RNF19A: variants seen among roughly 807,000 people sequenced by gnomAD.
RNF19A encodes ring finger protein 19A, RBR E3 ubiquitin protein ligase.
Under a neutral mutation model 75.7 loss-of-function variants are expected in RNF19A, and 32 were observed. The observed-to-expected ratio is 0.42, with a 90% confidence interval of 0.32 to 0.57. The LOEUF (loss-of-function observed/expected upper bound fraction) is 0.57. Ranked by LOEUF, RNF19A falls within the 20% of genes least tolerant of loss-of-function variation. The probability of loss-of-function intolerance (pLI) is 0.10; values close to 1 mark genes in which losing one functional copy is unlikely to be tolerated. For missense variants in RNF19A, 782 were observed against 1,036.3 expected (o/e 0.75, Z 3.37); for synonymous variants, 335 against 345.2 (o/e 0.97, Z 0.33).
chr8:100,263,876 C>G (rs1376329534), intron 7 of RNF19A, among the ~76,000 whole-genome samples, 158 bp downstream of exon 7: 1 of 152,190 alleles, frequency 6.6e-6, no homozygotes, highest in East Asian at 1.9e-4. Flanking sequence ...TCCATACACT[C>G]CTCCTTGGCA....
Position 100,288,091 on chromosome 8 carries a change from G to A in RNF19A, c.84C>T (p.Ser28=). ...GCCGATGTAAACTCATGTCTAAAAT[G>A]CTTGTTAGAATTGAGACAGGGTCAG... ...VNTDPVSILT[S]ILDMSLHRQM... The change falls in exon 2 of 10, where the codon AGC becomes AGT. Residue 28 remains serine (S), a synonymous_variant. Transcript: ENST00000341084. 6.2e-7 allele frequency: 1 copy of A among 1,614,072 alleles called. No homozygotes were observed. Among genetic ancestry groups the A allele is most frequent in the Non-Finnish European group, 8.5e-7 (1 of 1,179,984 alleles).
chr8:100,262,471 C>T (rs1297653495), intron 7 of RNF19A, among the ~76,000 whole-genome samples: 1 of 151,934 alleles, frequency 6.6e-6, no homozygotes, highest in Non-Finnish European at 1.5e-5. Context: ...AGTTTAAAAG[C>T]CTAGAAGTAG....
At chr8:100,307,661 A>G (rs1822115621) in intron 1 of RNF19A, among the ~76,000 whole-genome samples, 1 of 152,142 alleles carries the variant, frequency 6.6e-6, no homozygotes, top group Non-Finnish European at 1.5e-5. Context: ...TTAATTCTAA[A>G]CAACCCCATA....
At chr8:100,268,150 T>C (rs958873170) in intron 5 of RNF19A, among the ~76,000 whole-genome samples, 1 of 151,970 alleles carries the variant, frequency 6.6e-6, no homozygotes, top group Admixed American at 6.6e-5. Flanking sequence ...TACTTCTCAA[T>C]CCAGAGATTC....
rs369113559 is a variant in RNF19A at position 100,308,670 on chromosome 8, T to A, written c.-94+1197A>T. Among the ~76,000 whole-genome samples the A allele has an allele frequency of 6.8e-5, 10 of 146,354 alleles. No individual in the cohort carries two copies. In the East Asian group the frequency reaches 2.0e-3, roughly 30 times the overall value. ...AATAAGAAAAGATATTTTAAAAAAA[T>A]GAAAAGAACCATGTTCTTTAAAAAA... On this transcript the variant is annotated intron_variant, in intron 1 of 9. Coordinates refer to ENST00000341084, the MANE Select transcript of RNF19A (RefSeq NM_183419.4).
At chr8:100,285,055 A>G (rs1400825152) in intron 2 of RNF19A, among the ~76,000 whole-genome samples, 3 of 152,122 alleles carry the variant, frequency 2.0e-5, no homozygotes, top group Non-Finnish European at 2.9e-5. Flanking sequence ...ATATTTATCT[A>G]TTCTACTGTT....
chr8:100,312,606 G>A (rs915133437), upstream of RNF19A, among the ~76,000 whole-genome samples: 1 of 151,508 alleles, frequency 6.6e-6, no homozygotes, highest in Non-Finnish European at 1.5e-5. Flanking sequence ...AAGAATGAAA[G>A]AAGGGAAGGA....
At chr8:100,316,224 G>A (rs1369801086) in intron 1 of RNF19A, among the ~76,000 whole-genome samples, 1 of 152,112 alleles carries the variant, frequency 6.6e-6, no homozygotes, top group African/African-American at 2.4e-5. Flanking sequence ...TGGCTCAGGA[G>A]TGAAGCAGCA....
At chr8:100,268,592 T>C in intron 5 of RNF19A, 193 bp downstream of exon 5, 1 of 392,090 alleles carries the variant, frequency 2.6e-6, no homozygotes, top group Non-Finnish European at 4.5e-6. Flanking sequence ...AAGTCTGCTT[T>C]ATACGTATTT....
rs561517292 is a variant in RNF19A at position 100,332,705 on chromosome 8, G to T, written c.-243+3403C>A. On this transcript the variant is annotated intron_variant, in intron 1 of 3. Transcript: ENST00000519527. The surrounding 1 kb of genome is among the most constrained non-coding windows in gnomAD (Gnocchi z 4.8). ...TTGGTCTTTGCAAATTTGTTAAAATGTTATCTCATTTTCATTTTAACTTGC... is the reference window on the plus strand; with the variant it reads ...TTGGTCTTTGCAAATTTGTTAAAATTTTATCTCATTTTCATTTTAACTTGC... Among the ~76,000 whole-genome samples the T allele has an allele frequency of 2.0e-5, 3 of 152,164 alleles. No individual in the cohort carries two copies. Among genetic ancestry groups the T allele is most frequent in the Non-Finnish European group, 4.4e-5 (3 of 68,010 alleles).
intron 1 of RNF19A, among the ~76,000 whole-genome samples, chr8:100,291,622 T>C (rs1821299532): frequency 6.6e-6 from 1 of 152,240 alleles, no homozygotes; most frequent in African/African-American, 2.4e-5. Flanking sequence ...AAAGGTATTC[T>C]GGAAATGAAG....
intron 1 of RNF19A, among the ~76,000 whole-genome samples, chr8:100,302,030 T>C (rs190020321): frequency 6.6e-6 from 1 of 152,308 alleles, no homozygotes; most frequent in Non-Finnish European, 1.5e-5. Flanking sequence ...GGCCCTAATA[T>C]GGCTGAAAAT....
chr8:100,281,324 A>C (rs763853976), intron 2 of RNF19A, among the ~76,000 whole-genome samples: 5 of 152,240 alleles, frequency 3.3e-5, no homozygotes, highest in Admixed American at 2.6e-4. Flanking sequence ...AGTAAAATTA[A>C]AGTGGTTTTT....
rs1586610270 is a variant in RNF19A at position 100,269,766 on chromosome 8, C to G, written c.1028+103G>C. 1 of 754,312 alleles carries G rather than the reference C, an allele frequency of 1.3e-6. No homozygotes were observed. Among genetic ancestry groups the G allele is most frequent in the East Asian group, 3.2e-5 (1 of 30,784 alleles). The allele number at this position is 754,312 out of a possible 1,614,324, so 46.7% of individuals were successfully genotyped here. A position where few individuals can be genotyped will look rare whatever the true frequency, so the allele number is the denominator to read the frequency against. The stretch of plus-strand genomic sequence containing the variant: ...TAAATTTATTTAACTAGAATAAAAC[C>G]AATCCCTTTAAGTATCTTATAAAAC... On this transcript the variant is annotated intron_variant, in intron 4 of 9. Transcript: ENST00000341084. The surrounding 1 kb of genome is among the most constrained non-coding windows in gnomAD (Gnocchi z 5.7).
At position 100,257,263 on chromosome 8, in the gene RNF19A, C is replaced by T. The variant is rs1257524859; in HGVS notation, c.*1293G>A. 6.6e-6 allele frequency: 1 copy of T among 152,362 alleles called. No homozygotes were observed. Among genetic ancestry groups the T allele is most frequent in the Non-Finnish European group, 1.5e-5 (1 of 67,968 alleles). 9.4% of individuals were successfully genotyped at this position (152,362 alleles called of 1,614,324 possible). A position where few individuals can be genotyped will look rare whatever the true frequency, so the allele number is the denominator to read the frequency against. On this transcript the variant is annotated 3_prime_UTR_variant, in exon 10 of 10. Transcript: ENST00000341084. ...GCAGCCCATGGCATTTTTCTTTTTA[C>T]CAAAAGAAAACGCTCAGTAGCACCA...
In RNF19A at chr8:100,260,986, C is replaced by T. The variant is rs1819685488; in HGVS notation, c.1682+556G>A. ...GATCTAGGCTTAAGTACTGCCTTTG[C>T]TTCAATGTCTACTGAAGCAGCTGTA... On this transcript the variant is annotated intron_variant, in intron 8 of 9. Transcript: ENST00000341084. The surrounding 1 kb of genome is among the most constrained non-coding windows in gnomAD (Gnocchi z 4.1). 6.6e-6 allele frequency among the ~76,000 whole-genome samples: 1 copy of T among 152,160 alleles called. No individual in the cohort carries two copies. The highest frequency in any genetic ancestry group is 1.5e-5 in the Non-Finnish European group (1 of 68,026).
rs1420026534 is a variant in RNF19A, at chr8:100,264,118, C to T, written c.1384G>A (p.Val462Ile). 2 of 1,613,830 alleles carry T rather than the reference C, an allele frequency of 1.2e-6. No individual in the cohort carries two copies. Among genetic ancestry groups the T allele is most frequent in the Non-Finnish European group, 1.7e-6 (2 of 1,179,764 alleles). ...ISLCRSGGCG[V>I]SAGNGKGVRI... ...ACTCCTTTTCCATTGCCTGCTGAGA[C>T]TCCACAACCTCCGCTTCGACAAAGA... Residue 462 changes from valine to isoleucine, a missense_variant, in exon 7 of 10, where the codon GTC (valine) becomes ATC (isoleucine). By Grantham distance (29) the Val-to-Ile change is conservative. Transcript: ENST00000341084. This position sits in a 1 kb window ranked among gnomAD's most constrained non-coding sequence, Gnocchi z 4.7.
At chr8:100,310,246 C>G (rs563789326), upstream of RNF19A, 3 of 985,038 alleles carry the variant, frequency 3.0e-6, no homozygotes, top group Admixed American at 6.2e-5. Flanking sequence ...GCTCTGGACG[C>G]GGCTGTTCCC....
chr8:100,312,705 C>T (rs1416048140), upstream of RNF19A, among the ~76,000 whole-genome samples: 1 of 152,150 alleles, frequency 6.6e-6, no homozygotes, highest in Non-Finnish European at 1.5e-5. Context: ...GAGTGGATCA[C>T]TTGAGGCCAG....
Sources: allele counts gnomAD v4.1 joint callset (sites outside exome capture counted in the v4.1 genomes callset), GRCh38; gene constraint gnomAD v4.1.1; non-coding constraint Gnocchi (gnomAD v3.1); transcripts MANE v1.5; gene names NCBI Gene and HGNC (gene_info 2026-07-23, HGNC 2026-07-21).